AFF1: variants seen among roughly 807,000 people sequenced by gnomAD.
AFF1 encodes AF4/FMR2 family member 1.
AFF1 carries 48 observed loss-of-function variants against 121.7 expected under a neutral mutation model. The ratio of observed to expected loss-of-function variants is 0.39; its 90% CI spans 0.31 to 0.50. The LOEUF is 0.50. AFF1 is among the 20% of genes least tolerant of loss of function. The pLI is 0.76. For missense variants in AFF1, 1,523 were observed against 1,511.7 expected, an observed-to-expected ratio of 1.01 and a Z score of -0.12; for synonymous variants, 613 against 563.0, an observed-to-expected ratio of 1.09 and a Z score of -1.26.
intron 1 of AFF1, among the ~76,000 whole-genome samples, chr4:86,945,402 G>A (rs139927362): frequency 0.033 from 4,545 of 136,184 alleles, 105 homozygotes; most frequent in Non-Finnish European, 0.05. Context: ...ACAGCTCACT[G>A]TAGCCTCCAC....
chr4:87,073,761 G>T (rs1722369687), intron 4 of AFF1, among the ~76,000 whole-genome samples: 1 of 152,136 alleles, frequency 6.6e-6, no homozygotes, highest in Admixed American at 6.5e-5. Context: ...ATGCTCAGCT[G>T]TGAAAAAAGT....
chr4:87,119,632 C>A (rs1560647948), intron 12 of AFF1, among the ~76,000 whole-genome samples: 1 of 152,164 alleles, frequency 6.6e-6, no homozygotes, highest in Non-Finnish European at 1.5e-5. Context: ...TTGCATTGTT[C>A]TAGGAGCTCA....
intron 13 of AFF1, 104 bp downstream of exon 13, chr4:87,125,247 T>G (rs1728119491): frequency 5.5e-6 from 4 of 727,710 alleles, no homozygotes; most frequent in Non-Finnish European, 8.5e-6. Flanking sequence ...AGTGGATTAA[T>G]AAACTCAAGC....
intron 4 of AFF1, among the ~76,000 whole-genome samples, chr4:87,048,226 C>T (rs1053462453): frequency 4.6e-5 from 7 of 152,062 alleles, no homozygotes; most frequent in Admixed American, 1.3e-4. Context: ...AGTGGGTATA[C>T]GGTGACATTT....
intron 2 of AFF1, 92 bp downstream of exon 2, chr4:86,948,663 A>C: frequency 8.1e-7 from 1 of 1,240,438 alleles, no homozygotes; most frequent in Non-Finnish European, 1.1e-6. Flanking sequence ...TCAATTTTGC[A>C]ACTTAAGAAC....
chr4:87,068,127 T>G (rs956182781), intron 4 of AFF1, among the ~76,000 whole-genome samples: 1 of 147,350 alleles, frequency 6.8e-6, no homozygotes, highest in African/African-American at 2.6e-5. Context: ...TACATAATAC[T>G]GGAATTACTG....
intron 2 of AFF1, among the ~76,000 whole-genome samples, chr4:87,031,812 A>C (rs911573383): frequency 1.3e-4 from 20 of 152,208 alleles, no homozygotes; most frequent in African/African-American, 4.6e-4. Flanking sequence ...GTAGAAATGG[A>C]AACTTTACAG....
rs55891819 is a variant in AFF1 at position 86,985,181 on chromosome 4, C to CTATATATATATATATATA, written c.38+36627_38+36644dup. On this transcript the variant is annotated intron_variant, in intron 2 of 20. Transcript: ENST00000395146. Reference sequence around the variant, plus strand: ...AATATAATATATATAATATGTATTACTATATATATATATATATATATATAT... The same window carrying CTATATATATATATATATA: ...AATATAATATATATAATATGTATTACTATATATATATATATATATATATATATATATATATATATATAT... Among the ~76,000 whole-genome samples the CTATATATATATATATATA allele has an allele frequency of 5.7e-3, 549 of 96,276 alleles. 9 individuals are homozygous for CTATATATATATATATATA. The highest frequency in any genetic ancestry group is 0.02 in the East Asian group (66 of 3,320). The allele number at this position is 96,276 out of a possible 152,430, so 63.2% of individuals were successfully genotyped here.
chr4:87,016,137 T>C (rs1479363844), intron 2 of AFF1, among the ~76,000 whole-genome samples: 3 of 151,940 alleles, frequency 2.0e-5, no homozygotes, highest in African/African-American at 7.3e-5. Flanking sequence ...GCCAAGATCA[T>C]GCCGTTGCAC....
chr4:87,069,414 T>G (rs1287380359), intron 4 of AFF1, among the ~76,000 whole-genome samples: 24 of 145,288 alleles, frequency 1.7e-4, no homozygotes, highest in African/African-American at 5.9e-4. Flanking sequence ...TGTCTCTCCC[T>G]CCCTCCCTCT....
chr4:87,090,957 G>A (rs534022957), intron 6 of AFF1, among the ~76,000 whole-genome samples: 108 of 137,622 alleles, frequency 7.8e-4, no homozygotes, highest in African/African-American at 2.7e-3. Context: ...TGAGGCTGCA[G>A]TGAGCTGTAA....
chr4:87,022,850 T>C (rs1349124677), intron 2 of AFF1, among the ~76,000 whole-genome samples: 1 of 151,440 alleles, frequency 6.6e-6, no homozygotes, highest in Non-Finnish European at 1.5e-5. Flanking sequence ...AAGCATTGCC[T>C]CAATAAGTAA....
intron 4 of AFF1, among the ~76,000 whole-genome samples, chr4:87,074,440 G>A (rs1451063355): frequency 1.3e-5 from 2 of 152,198 alleles, no homozygotes; most frequent in South Asian, 2.1e-4. Flanking sequence ...GACCATTGGG[G>A]ATTCTGATTC....
At chr4:86,951,029 A>G (rs1286533302) in intron 2 of AFF1, among the ~76,000 whole-genome samples, 1 of 152,198 alleles carries the variant, frequency 6.6e-6, no homozygotes, top group Admixed American at 6.5e-5. Context: ...TCTGGTCAAC[A>G]TATGGGTTTT....
chr4:87,063,228 C>CTTTTTTTTTTTTT (rs569577993), intron 4 of AFF1, among the ~76,000 whole-genome samples: 812 of 44,420 alleles, frequency 0.018, 257 homozygotes, highest in Non-Finnish European at 0.024. Flanking sequence ...AGATTCACCT[C>CTTTTTTTTTTTTT]TTTTTTTTTT....
At chr4:87,091,477 A>C (rs1398781158) in intron 6 of AFF1, among the ~76,000 whole-genome samples, 3 of 152,270 alleles carry the variant, frequency 2.0e-5, no homozygotes, top group African/African-American at 7.2e-5. Flanking sequence ...AAGCTCTGTA[A>C]AAATATCTTT....
At chr4:87,127,344 A>G (rs936468846) in intron 15 of AFF1, among the ~76,000 whole-genome samples, 30 of 151,972 alleles carry the variant, frequency 2.0e-4, no homozygotes, top group African/African-American at 7.2e-4. Context: ...TTGTATTTTT[A>G]GTAGAGACGG....
rs1239323663 is a variant in AFF1, at chr4:87,134,553, G to T, written c.3394G>T (p.Gly1132Trp). ...VGSQSSAGSVGSSGVAATIST... is the reference protein window; with the variant it reads ...VGSQSSAGSVWSSGVAATIST... ...GTCCCAGTCAAGTGCTGGCAGTGTG[G>T]GGAGCAGTGGGGTGGCTGCCACTAT... Residue 1132 changes from glycine to tryptophan, a missense_variant, in exon 20 of 21, where the codon GGG becomes TGG. Gly to Trp is a radical substitution (Grantham distance 184, BLOSUM62 -2). Coordinates refer to ENST00000395146, the MANE Select transcript of AFF1 (RefSeq NM_001166693.3). 2 of 1,614,072 alleles carry T rather than the reference G, an allele frequency of 1.2e-6. No homozygotes were observed. Among genetic ancestry groups the T allele is most frequent in the Non-Finnish European group, 1.7e-6 (2 of 1,180,022 alleles).
intron 2 of AFF1, among the ~76,000 whole-genome samples, chr4:87,040,099 C>T (rs1450761871): frequency 2.0e-5 from 3 of 152,098 alleles, no homozygotes; most frequent in African/African-American, 7.2e-5. Flanking sequence ...GCCATGTGGG[C>T]CAGGCTGGTC....
Sources: allele counts gnomAD v4.1 joint callset (sites outside exome capture counted in the v4.1 genomes callset), GRCh38; gene constraint gnomAD v4.1.1; transcripts MANE v1.5; gene names NCBI Gene and HGNC (gene_info 2026-07-23, HGNC 2026-07-21).